The following KMT2E variants were observed in gnomAD, a reference collection of about 807,000 sequenced individuals.
KMT2E encodes the protein lysine methyltransferase 2E (inactive).
KMT2E carries 30 observed loss-of-function variants against 184.6 expected under a neutral mutation model. The observed-to-expected ratio is 0.16, with a 90% CI of 0.12 to 0.22. The LOEUF is 0.22. KMT2E is among the 10% of genes least tolerant of loss of function. The probability of loss-of-function intolerance (pLI) is 1.00; values close to 1 mark genes in which losing one functional copy is unlikely to be tolerated. For missense variants in KMT2E, 2,023 were observed against 2,237.4 expected, an observed-to-expected ratio of 0.90 and a Z score of 1.93; for synonymous variants, 815 against 776.5, an observed-to-expected ratio of 1.05 and a Z score of -0.82.
At position 105,048,801 on chromosome 7, in the gene KMT2E, C is replaced by G. The variant is rs137859619; in HGVS notation, c.71+7778C>G. On this transcript the variant is annotated intron_variant, in intron 3 of 26. Transcript: ENST00000311117. ...TGGACATGACAGTGTTCCGATAACACTTTGTCTACAGAATCAGGAAGCAGG... is the reference window on the plus strand; with the variant it reads ...TGGACATGACAGTGTTCCGATAACAGTTTGTCTACAGAATCAGGAAGCAGG... 2.6e-5 allele frequency among the ~76,000 whole-genome samples: 4 copies of G among 152,360 alleles called. No individual in the cohort carries two copies. The East Asian group carries it at 5.8e-4, about 22-fold the overall frequency.
rs58676744 is a variant in KMT2E at position 105,041,050 on chromosome 7, CAAAA to C, written c.71+40_71+43del. On this transcript the variant is annotated intron_variant, in intron 3 of 26. Transcript: ENST00000311117. ...TAAGTATTTAAATTGGTTACATAAG[CAAAA>C]AAAAAAAAAAAACCCTTCTGGAGCT... 7.8e-4 allele frequency: 522 copies of C among 670,390 alleles called. 2 individuals are homozygous for C. Among genetic ancestry groups the C allele is most frequent in the South Asian group, 4.7e-3 (184 of 39,538 alleles). The allele number at this position is 670,390 out of a possible 1,614,324, so 41.5% of individuals were successfully genotyped here.
chr7:105,021,569 G>A (rs150920696), intron 1 of KMT2E, among the ~76,000 whole-genome samples: 1 of 152,192 alleles, frequency 6.6e-6, no homozygotes, highest in East Asian at 1.9e-4. Context: ...AGTACAGATG[G>A]GCCTCACAGG....
chr7:105,112,950 C>T lies in KMT2E; in HGVS notation c.5194C>T (p.His1732Tyr). The T allele has an allele frequency of 6.2e-7, 1 of 1,613,994 alleles. No individual in the cohort carries two copies. Among genetic ancestry groups the T allele is most frequent in the South Asian group, 1.1e-5 (1 of 91,068 alleles). Residue 1732 changes from histidine to tyrosine, a missense_variant, in exon 27 of 27, where the codon CAT (histidine) becomes TAT (tyrosine). By Grantham distance (83) the His-to-Tyr change is moderately conservative. Coordinates refer to ENST00000311117, the MANE Select transcript of KMT2E (RefSeq NM_182931.3). ...TTCCAGTGTTTTGGCTTCTGGGCAT[C>T]ATACCACATCAGCTCAAGCCTTACA... ...PPSSVLASGH[H>Y]TTSAQALHHP...
chr7:105,061,353 AAAAT>A (rs1189641960), intron 3 of KMT2E, among the ~76,000 whole-genome samples: 1 of 152,222 alleles, frequency 6.6e-6, no homozygotes, highest in Non-Finnish European at 1.5e-5. Flanking sequence ...ATAGTTTTGT[AAAAT>A]AAAGGCACAG....
chr7:105,082,729 T>A (rs1487197437), intron 13 of KMT2E, among the ~76,000 whole-genome samples: 5 of 152,204 alleles, frequency 3.3e-5, no homozygotes. Flanking sequence ...TTTTTTGCTT[T>A]CTCATTTCTC....
chr7:105,074,960 C>T (rs1270298145), intron 8 of KMT2E, 145 bp downstream of exon 8: 2 of 594,992 alleles, frequency 3.4e-6, no homozygotes, highest in African/African-American at 1.9e-5. Flanking sequence ...ATTAAACTTA[C>T]TTGAACATTT....
intron 16 of KMT2E, 39 bp downstream of exon 16, chr7:105,101,628 TTAAAA>T (rs756094673): frequency 2.8e-5 from 40 of 1,446,940 alleles, no homozygotes; most frequent in African/African-American, 8.9e-5. Context: ...CTTAAACACT[TTAAAA>T]TAAAATGTCT....
chr7:105,088,871 GA>G lies in KMT2E; in HGVS notation c.1359-1134del, dbSNP rs1412621572. Among the ~76,000 whole-genome samples, 9 of 152,324 alleles carry G rather than the reference GA, an allele frequency of 5.9e-5. No individual in the cohort carries two copies. In the East Asian group the frequency reaches 1.3e-3, roughly 23 times the overall value. On this transcript the variant is annotated intron_variant, in intron 13 of 26. Coordinates refer to ENST00000311117, the MANE Select transcript of KMT2E (RefSeq NM_182931.3). The stretch of plus-strand genomic sequence containing the variant: ...TGAAAGAGGGAACACTTAGTATGGT[GA>G]AAAGGAAACATTAAATTTTATCAAG...
chr7:105,084,020 T>C (rs2129568511), intron 13 of KMT2E, among the ~76,000 whole-genome samples: 1 of 152,322 alleles, frequency 6.6e-6, no homozygotes, highest in Non-Finnish European at 1.5e-5. Flanking sequence ...ATAGCACGCA[T>C]GCACCCACAT....
chr7:105,110,023 C>T (rs750665882), intron 23 of KMT2E, among the ~76,000 whole-genome samples: 10 of 151,970 alleles, frequency 6.6e-5, no homozygotes, highest in South Asian at 2.1e-4. Flanking sequence ...TTAGTAGAGA[C>T]GGGGTTTCAC....
rs188671500 is a variant in KMT2E at position 105,114,792 on chromosome 7, T to C, written c.*1459T>C. 6.6e-6 allele frequency among the ~76,000 whole-genome samples: 1 copy of C among 152,322 alleles called. No individual in the cohort carries two copies. The highest frequency in any genetic ancestry group is 6.5e-5 in the Admixed American group (1 of 15,298). ...TTTCCTTTTGAAAATTAGCTAATGA[T>C]GGTACATTAACGCAGCTCACTTAGG... On this transcript the variant is annotated 3_prime_UTR_variant, in exon 27 of 27. Transcript: ENST00000311117.
At chr7:105,017,516 T>A (rs1562870667) in intron 1 of KMT2E, among the ~76,000 whole-genome samples, 1 of 151,812 alleles carries the variant, frequency 6.6e-6, no homozygotes, top group South Asian at 2.1e-4. Flanking sequence ...TTTGAATGGT[T>A]ACTTTATAAA....
rs1368934185 is a variant in KMT2E, at chr7:105,110,482, G to C, written c.3850G>C (p.Glu1284Gln). The C allele has an allele frequency of 2.5e-6, 4 of 1,614,004 alleles. No homozygotes were observed. The highest frequency in any genetic ancestry group is 1.7e-5 in the Admixed American group (1 of 60,002). Residue 1284 changes from glutamate to glutamine, a missense_variant, in exon 25 of 27, where the codon GAA (glutamate) becomes CAA (glutamine). Physicochemically the swap from Glu to Gln is conservative, Grantham distance 29. This residue lies in a region of KMT2E where 1,108 missense variants were observed against 1,050.9 expected (regional missense o/e 1.05). Coordinates refer to ENST00000311117, the MANE Select transcript of KMT2E (RefSeq NM_182931.3). ...DHRKDKDSGG[E>Q]SPCVSCSPSH... ...CTGCTCTGCTTCATCTCTAGGGGGA[G>C]AATCACCATGTGTCTCATGTTCACC... is the stretch of plus-strand genomic sequence containing the variant.
intron 5 of KMT2E, 68 bp downstream of exon 5, chr7:105,063,648 A>C: frequency 9.5e-7 from 1 of 1,056,008 alleles, no homozygotes; most frequent in Non-Finnish European, 1.4e-6. Context: ...GTTGGAAAAG[A>C]TAACTAAAGT....
intron 3 of KMT2E, among the ~76,000 whole-genome samples, chr7:105,047,051 C>T (rs550369592): frequency 6.6e-6 from 1 of 152,294 alleles, no homozygotes; most frequent in African/African-American, 2.4e-5. Context: ...AAAGCAGGTG[C>T]AAAATTCTAT....
chr7:105,076,160 C>CG lies in KMT2E; in HGVS notation c.768+79_768+80insG. 6 of 974,778 alleles carry CG rather than the reference C, an allele frequency of 6.2e-6. No individual in the cohort carries two copies. In the South Asian group the frequency reaches 8.1e-5, roughly 13 times the overall value. 60.4% of individuals were successfully genotyped at this position (974,778 alleles called of 1,614,324 possible). On this transcript the variant is annotated intron_variant, in intron 9 of 26. Transcript: ENST00000311117. ...ACATGCTTGCTTGACCATATCTTTA[C>CG]TTAATGCTCTGTTTATTGTGTGTCA...
intron 26 of KMT2E, 79 bp from the exon 27 acceptor site, chr7:105,111,746 G>GA (rs1799294071): frequency 6.9e-7 from 1 of 1,454,338 alleles, no homozygotes; most frequent in Non-Finnish European, 9.2e-7. Flanking sequence ...TATTTAGGTA[G>GA]TATTAAATAC....
chr7:105,035,757 C>G (rs1351408284), intron 1 of KMT2E, among the ~76,000 whole-genome samples: 1 of 151,300 alleles, frequency 6.6e-6, no homozygotes, highest in African/African-American at 2.4e-5. Context: ...TGGGGTTTCA[C>G]CATGTTGGCC....
intron 8 of KMT2E, 34 bp from the exon 9 acceptor site, chr7:105,076,009 T>A (rs1162798789): frequency 6.5e-7 from 1 of 1,529,870 alleles, no homozygotes; most frequent in Non-Finnish European, 9.0e-7. Context: ...TCCAGTTTTT[T>A]AGGAAACTAA....
Sources: allele counts gnomAD v4.1 joint callset (sites outside exome capture counted in the v4.1 genomes callset), GRCh38; gene constraint gnomAD v4.1.1; regional missense constraint gnomAD v4.1.1; transcripts MANE v1.5; gene names NCBI Gene and HGNC (gene_info 2026-07-23, HGNC 2026-07-21).